SMARCC1: variants seen among roughly 807,000 people sequenced by gnomAD.
SMARCC1 encodes the protein SWI/SNF related BAF chromatin remodeling complex subunit C1, also known as SWI/SNF complex subunit SMARCC1.
A neutral mutation model predicts 147.4 loss-of-function variants in SMARCC1; 43 were observed. The ratio of observed to expected loss-of-function variants is 0.29; its 90% CI spans 0.23 to 0.38. The LOEUF is 0.38. SMARCC1 is among the 10% of genes least tolerant of loss of function. The pLI is 1.00. For missense variants in SMARCC1, 1,119 were observed against 1,381.1 expected, an observed-to-expected ratio of 0.81 and a Z score of 3.01; for synonymous variants, 495 against 484.4, an observed-to-expected ratio of 1.02 and a Z score of -0.29.
chr3:47,626,335 C>T (rs1175427864), intron 24 of SMARCC1, among the ~76,000 whole-genome samples: 13 of 151,454 alleles, frequency 8.6e-5, no homozygotes, highest in Non-Finnish European at 1.0e-4. Context: ...TTAGTAGAGA[C>T]GGGGTTTCAC....
intron 9 of SMARCC1, among the ~76,000 whole-genome samples, chr3:47,709,479 A>T (rs2034058396): frequency 6.6e-6 from 1 of 151,814 alleles, no homozygotes; most frequent in Non-Finnish European, 1.5e-5. Context: ...TGAGGTTAAG[A>T]GTTCAAGACC....
chr3:47,686,017 AC>A, intron 14 of SMARCC1, 31 bp downstream of exon 14: 1 of 1,607,206 alleles, frequency 6.2e-7, no homozygotes, highest in Non-Finnish European at 8.5e-7. Context: ...ACTGCTCAGT[AC>A]CATGCTCACA....
intron 3 of SMARCC1, among the ~76,000 whole-genome samples, chr3:47,738,347 A>G (rs2034469866): frequency 6.6e-6 from 1 of 152,224 alleles, no homozygotes; most frequent in Admixed American, 6.5e-5. Flanking sequence ...ATATCTATCT[A>G]ATTTTCCTTA....
chr3:47,601,045 G>GAGAGAGAGAC (rs1376795458), intron 26 of SMARCC1, among the ~76,000 whole-genome samples: 1 of 138,632 alleles, frequency 7.2e-6, no homozygotes. Context: ...GAGAGAGAGA[G>GAGAGAGAGAC]AGACATGGCA....
At chr3:47,621,756 C>G (rs995503918) in intron 25 of SMARCC1, among the ~76,000 whole-genome samples, 2 of 147,666 alleles carry the variant, frequency 1.4e-5, no homozygotes, top group Non-Finnish European at 3.0e-5. Flanking sequence ...AAGCATCATA[C>G]AATATATCCA....
chr3:47,660,908 T>TA (rs896933139), intron 21 of SMARCC1, among the ~76,000 whole-genome samples: 4 of 152,120 alleles, frequency 2.6e-5, no homozygotes, highest in Non-Finnish European at 4.4e-5. Context: ...TTTCCTCAGC[T>TA]AAAAAAACCC....
chr3:47,712,221 A>T (rs533550407), intron 8 of SMARCC1, among the ~76,000 whole-genome samples: 85 of 152,288 alleles, frequency 5.6e-4, no homozygotes, highest in African/African-American at 2.0e-3. Context: ...AACAAGAATG[A>T]AGTTCCGTCT....
intron 2 of SMARCC1, 21 bp from the exon 3 acceptor site, chr3:47,746,014 A>C (rs1559661202): frequency 6.7e-6 from 10 of 1,485,200 alleles, no homozygotes; most frequent in Non-Finnish European, 6.4e-6. Flanking sequence ...TACAAATTAC[A>C]CATGAGAAAA....
At chr3:47,621,356 G>A (rs2032728899) in intron 25 of SMARCC1, among the ~76,000 whole-genome samples, 1 of 151,392 alleles carries the variant, frequency 6.6e-6, no homozygotes, top group Admixed American at 6.6e-5. Context: ...ACCTGCACAT[G>A]CATGTTTATT....
intron 19 of SMARCC1, among the ~76,000 whole-genome samples, chr3:47,665,832 T>A (rs923907989): frequency 4.6e-5 from 7 of 151,834 alleles, no homozygotes; most frequent in South Asian, 2.1e-4. Context: ...TTACTTAACC[T>A]GGATACACTC....
intron 2 of SMARCC1, among the ~76,000 whole-genome samples, chr3:47,763,348 G>A (rs1306150691): frequency 6.7e-6 from 1 of 149,866 alleles, no homozygotes; most frequent in Non-Finnish European, 1.5e-5. Context: ...AAGGCAGGAG[G>A]ATAGCTTGAG....
chr3:47,676,248 C>A (rs981353387), intron 17 of SMARCC1, among the ~76,000 whole-genome samples: 3 of 151,950 alleles, frequency 2.0e-5, no homozygotes, highest in African/African-American at 7.3e-5. Context: ...AATCTTAGGA[C>A]AAGTTATAAA....
At chr3:47,739,850 T>G (rs1487327508) in intron 3 of SMARCC1, among the ~76,000 whole-genome samples, 1 of 152,188 alleles carries the variant, frequency 6.6e-6, no homozygotes, top group Non-Finnish European at 1.5e-5. Flanking sequence ...CCAAGTCACT[T>G]GCTCTATAAA....
At chr3:47,593,982 T>C (rs1576381259) in intron 26 of SMARCC1, among the ~76,000 whole-genome samples, 2 of 152,276 alleles carry the variant, frequency 1.3e-5, no homozygotes, top group East Asian at 1.9e-4. Flanking sequence ...CTGACCAACA[T>C]GGTGAAACCC....
intron 21 of SMARCC1, among the ~76,000 whole-genome samples, chr3:47,660,576 A>G (rs1008402815): frequency 6.6e-6 from 1 of 152,168 alleles, no homozygotes; most frequent in African/African-American, 2.4e-5. Flanking sequence ...TGCATGCTAC[A>G]GCATGGAAGA....
chr3:47,652,821 T>C (rs567995238), intron 21 of SMARCC1, among the ~76,000 whole-genome samples: 4 of 152,098 alleles, frequency 2.6e-5, no homozygotes, highest in Admixed American at 6.5e-5. Context: ...TGAGTGACCA[T>C]AGTTAAAAAG....
chr3:47,710,692 C>G lies in SMARCC1; in HGVS notation c.909G>C (p.Lys303Asn), dbSNP rs769060689. 5 of 1,613,518 alleles carry G rather than the reference C, an allele frequency of 3.1e-6. No individual in the cohort carries two copies. The highest frequency in any genetic ancestry group is 4.2e-6 in the Non-Finnish European group (5 of 1,179,826). Residue 303 changes from lysine (K) to asparagine (N), a missense_variant, in exon 9 of 28, where the codon AAG becomes AAC. Physicochemically the swap from Lys to Asn is moderately conservative, Grantham distance 94. Around this residue, in one of 6 missense-constraint regions of SMARCC1, gnomAD observed 542 missense variants for 611.8 expected, o/e 0.89. Transcript: ENST00000254480. Reference sequence around the variant, plus strand: ...GTGCCAAAGAAAATACCTCTTCATTCTTGGTTGAAATCCGCTGACGAAAAC... The same window carrying G: ...GTGCCAAAGAAAATACCTCTTCATTGTTGGTTGAAATCCGCTGACGAAAAC... ...PVSFRQRIST[K>N]NEEPVRSPER...
At chr3:47,639,787 GAAGA>G (rs1293743197) in intron 21 of SMARCC1, among the ~76,000 whole-genome samples, 1 of 151,966 alleles carries the variant, frequency 6.6e-6, no homozygotes. Flanking sequence ...GAGTGGCAGG[GAAGA>G]AACAAAGACA....
chr3:47,718,360 G>T (rs573664147), intron 7 of SMARCC1, among the ~76,000 whole-genome samples: 1 of 151,982 alleles, frequency 6.6e-6, no homozygotes. Context: ...CATGAGAATC[G>T]CTAGAACCAG....
Sources: allele counts gnomAD v4.1 joint callset (sites outside exome capture counted in the v4.1 genomes callset), GRCh38; gene constraint gnomAD v4.1.1; regional missense constraint gnomAD v4.1.1; transcripts MANE v1.5; gene names NCBI Gene and HGNC (gene_info 2026-07-23, HGNC 2026-07-21).